The following NHS variants were observed in gnomAD, a reference collection of about 807,000 sequenced individuals.
NHS encodes the protein NHS actin remodeling regulator.
A neutral mutation model predicts 72.5 loss-of-function variants in NHS; 5 were observed. The ratio of observed to expected loss-of-function variants is 0.07; its 90% CI spans 0.04 to 0.14. The LOEUF (loss-of-function observed/expected upper bound fraction) is 0.14, where lower values mean the gene tolerates loss of function less well. NHS is among the 10% of genes least tolerant of loss of function. The pLI, the probability that NHS is intolerant of heterozygous loss-of-function variation, is 1.00. For missense variants in NHS, 1,072 were observed against 1,355.7 expected (o/e 0.79, Z 3.29); for synonymous variants, 464 against 547.7 (o/e 0.85, Z 2.13).
intron 3 of NHS, among the ~76,000 whole-genome samples, chrX:17,696,390 C>A (rs1219770341): frequency 8.9e-6 from 1 of 111,810 alleles, no homozygotes; most frequent in East Asian, 2.8e-4. Context: ...TACTGAAAGT[C>A]ATTTGCCTCC....
At chrX:17,550,882 G>C (rs920953772) in intron 1 of NHS, among the ~76,000 whole-genome samples, 11 of 111,694 alleles carry the variant, frequency 9.8e-5, no homozygotes, top group Non-Finnish European at 2.1e-4. Context: ...CTGGCCCACT[G>C]TATCTGCTAC....
chrX:17,729,917 G>A (rs1349353620), intron 8 of NHS, among the ~76,000 whole-genome samples: 1 of 112,047 alleles, frequency 8.9e-6, no homozygotes, highest in Non-Finnish European at 1.9e-5. Context: ...TTTTCTCCTG[G>A]AATTCTACTT....
At chrX:17,530,904 T>G (rs1237713062) in intron 1 of NHS, among the ~76,000 whole-genome samples, 1 of 111,427 alleles carries the variant, frequency 9.0e-6, no homozygotes, top group African/African-American at 3.3e-5. Flanking sequence ...CTCAAGTGAT[T>G]CCCCTGCCTC....
chrX:17,420,024 G>T (rs148211879), intron 1 of NHS, among the ~76,000 whole-genome samples: 31 of 111,051 alleles, frequency 2.8e-4, no homozygotes, highest in Admixed American at 2.7e-3. Context: ...TTAATTCTCC[G>T]TGCCATAGTA....
chrX:17,492,282 T>C (rs1017047864), intron 1 of NHS, among the ~76,000 whole-genome samples: 3 of 112,394 alleles, frequency 2.7e-5, no homozygotes, highest in African/African-American at 9.7e-5. Flanking sequence ...GTGCTATAAG[T>C]TTCCCTCTAA....
At chrX:17,647,814 A>G (rs367800687) in intron 1 of NHS, among the ~76,000 whole-genome samples, 1 of 111,348 alleles carries the variant, frequency 9.0e-6, no homozygotes, top group Admixed American at 9.5e-5. Flanking sequence ...CCCAAACCAT[A>G]TCACCCAAAA....
intron 1 of NHS, among the ~76,000 whole-genome samples, chrX:17,673,084 A>G (rs1286398199): frequency 9.1e-6 from 1 of 109,535 alleles, no homozygotes; most frequent in Admixed American, 9.8e-5. Flanking sequence ...AGATTGAACC[A>G]TTTATGGAAT....
intron 1 of NHS, among the ~76,000 whole-genome samples, chrX:17,570,599 A>G (rs2065472259): frequency 8.9e-6 from 1 of 111,789 alleles, no homozygotes; most frequent in African/African-American, 3.3e-5. Context: ...TAAATATACA[A>G]TCATGTCATC....
At chrX:17,529,743 C>T (rs968585508) in intron 1 of NHS, among the ~76,000 whole-genome samples, 1 of 111,652 alleles carries the variant, frequency 9.0e-6, no homozygotes, top group Non-Finnish European at 1.9e-5. Context: ...AAAATCAGTT[C>T]ATAGTAGCTC....
chrX:17,466,451 G>A (rs930205956), intron 1 of NHS, among the ~76,000 whole-genome samples: 3 of 112,582 alleles, frequency 2.7e-5, no homozygotes, highest in African/African-American at 9.7e-5. Flanking sequence ...ATCAATAAAT[G>A]GAAAGGCTAG....
chrX:17,429,448 G>A (rs1036417642), intron 1 of NHS, among the ~76,000 whole-genome samples: 1 of 111,505 alleles, frequency 9.0e-6, no homozygotes, highest in African/African-American at 3.3e-5. Flanking sequence ...TTGAAGAAGG[G>A]GAACTTTATT....
Position 17,375,322 on chromosome X carries a change from GGC to G in NHS, c.-429_-428del. ...CTGCGCCGGGGTACTTTCAAACTGA[GGC>G]GCGCGCACACACTCACACCCACCCA... On this transcript the variant is annotated 5_prime_UTR_variant, in exon 1 of 9. Coordinates refer to ENST00000676302, the MANE Select transcript of NHS (RefSeq NM_001291867.2). 3.3e-6 allele frequency: 1 copy of G among 299,785 alleles called. No homozygotes were observed. The highest frequency in any genetic ancestry group is 6.0e-5 in the Admixed American group (1 of 16,638). The allele number at this position is 299,785 out of a possible 1,213,427, so 24.7% of individuals were successfully genotyped here.
intron 1 of NHS, among the ~76,000 whole-genome samples, chrX:17,485,820 T>C (rs2064965208): frequency 8.9e-6 from 1 of 111,823 alleles, no homozygotes; most frequent in Admixed American, 9.5e-5. Context: ...TTTTGGATTC[T>C]GAACATCAGT....
At chrX:17,536,094 G>A (rs2065221740) in intron 1 of NHS, among the ~76,000 whole-genome samples, 1 of 111,454 alleles carries the variant, frequency 9.0e-6, no homozygotes. Flanking sequence ...AGTGGCTCAC[G>A]CCTGTAATCC....
chrX:17,703,554 G>A (rs911743558), intron 3 of NHS, among the ~76,000 whole-genome samples: 1 of 111,955 alleles, frequency 8.9e-6, no homozygotes, highest in African/African-American at 3.2e-5. Flanking sequence ...CCACAAATGC[G>A]AGACTCCATG....
At chrX:17,487,514 C>T (rs767247600) in intron 1 of NHS, among the ~76,000 whole-genome samples, 3 of 111,801 alleles carry the variant, frequency 2.7e-5, no homozygotes, top group South Asian at 7.6e-4. Flanking sequence ...TCTCCAAGGC[C>T]TTAGTTTCTC....
intron 1 of NHS, among the ~76,000 whole-genome samples, chrX:17,618,483 G>T (rs1180521114): frequency 8.9e-6 from 1 of 112,252 alleles, no homozygotes; most frequent in East Asian, 2.8e-4. Flanking sequence ...TCTTCAGAGA[G>T]CCATGCATAT....
At chrX:17,438,924 G>A (rs2064737958) in intron 1 of NHS, among the ~76,000 whole-genome samples, 1 of 110,267 alleles carries the variant, frequency 9.1e-6, no homozygotes, top group Non-Finnish European at 1.9e-5. Context: ...CCCAGGGAAG[G>A]TGTTATGGAT....
intron 1 of NHS, among the ~76,000 whole-genome samples, chrX:17,522,106 G>A (rs1394228976): frequency 1.8e-5 from 2 of 112,537 alleles, no homozygotes; most frequent in Non-Finnish European, 3.8e-5. Context: ...AGACAGGTAG[G>A]TCCTGGGCCA....
Sources: allele counts gnomAD v4.1 joint callset (sites outside exome capture counted in the v4.1 genomes callset), GRCh38; gene constraint gnomAD v4.1.1; transcripts MANE v1.5; gene names NCBI Gene and HGNC (gene_info 2026-07-23, HGNC 2026-07-21).